The following PPP1R37 variants were observed in gnomAD, a reference collection of about 807,000 sequenced individuals.
PPP1R37 encodes the protein leucine rich repeat containing 68.
In PPP1R37, 21 loss-of-function variants were observed where a neutral mutation model predicts 61.0. The ratio of observed to expected loss-of-function variants is 0.34; its 90% CI spans 0.24 to 0.50. The LOEUF (loss-of-function observed/expected upper bound fraction) is 0.50. Among genes scored for constraint, PPP1R37 ranks in the 20% least tolerant of loss-of-function variants. The pLI is 0.98. For missense variants in PPP1R37, 910 were observed against 952.7 expected, an observed-to-expected ratio of 0.96 and a Z score of 0.59; for synonymous variants, 443 against 433.5, an observed-to-expected ratio of 1.02 and a Z score of -0.27.
At chr19:45,117,802 G>A (rs1457461064) in intron 1 of PPP1R37, among the ~76,000 whole-genome samples, 1 of 152,240 alleles carries the variant, frequency 6.6e-6, no homozygotes, top group East Asian at 1.9e-4. Flanking sequence ...CGCAGAGTTA[G>A]TCTTAGAGTA....
intron 1 of PPP1R37, among the ~76,000 whole-genome samples, chr19:45,132,139 C>T (rs1202754875): frequency 1.3e-5 from 2 of 152,174 alleles, no homozygotes; most frequent in Non-Finnish European, 2.9e-5. Context: ...CTGGTCCCTG[C>T]TTAATGGGCC....
chr19:45,118,195 C>T (rs924988977), intron 1 of PPP1R37, among the ~76,000 whole-genome samples: 10 of 152,198 alleles, frequency 6.6e-5, no homozygotes, highest in South Asian at 2.1e-4. Flanking sequence ...CCAGGCCTCC[C>T]GGCACCCAGC....
intron 1 of PPP1R37, among the ~76,000 whole-genome samples, chr19:45,097,021 C>T (rs1294953179): frequency 6.6e-6 from 1 of 151,952 alleles, no homozygotes; most frequent in Non-Finnish European, 1.5e-5. Context: ...AGGCTCCATG[C>T]TGGGGAGGAC....
At chr19:45,129,133 T>G in intron 1 of PPP1R37, 1 of 426,592 alleles carries the variant, frequency 2.3e-6, no homozygotes, top group Non-Finnish European at 4.6e-6. Context: ...ACACAATGTA[T>G]TTGATGTTTT....
intron 5 of PPP1R37, 71 bp from the exon 6 acceptor site, chr19:45,141,963 AGGTCCTGGGGCCAGGGAGTGCTGGGGC>A (rs376218677): frequency 0.13 from 173,840 of 1,312,946 alleles, 12,029 homozygotes; most frequent in Middle Eastern, 0.16. Context: ...ATGGGGGCAC[AGGTCCTGGGGCCAGGGAGTGCTGGGGC>A]GGTCCTGGGG....
rs1371515391 is a variant in PPP1R37 at position 45,145,370 on chromosome 19, G to A, written c.1314G>A (p.Glu438=). ...CGCCACAGGTGAAGAGCTTCATCGA[G>A]ACGCAGAAGGCGCTGCTGGCCGAGA... ...PKKEAVKSFI[E]TQKALLAEIQ... The change falls in exon 11 of 13, where the codon GAG becomes GAA. Residue 438 remains glutamate (E), a synonymous_variant. Coordinates refer to ENST00000221462, the MANE Select transcript of PPP1R37 (RefSeq NM_019121.2). 6.5e-7 allele frequency: 1 copy of A among 1,535,110 alleles called. No homozygotes were observed. The highest frequency in any genetic ancestry group is 8.7e-7 in the Non-Finnish European group (1 of 1,146,440).
chr19:45,145,161 C>CG lies in PPP1R37; in HGVS notation c.1198dup (p.Glu400GlyfsTer28). 6.5e-7 allele frequency: 1 copy of CG among 1,535,202 alleles called. No homozygotes were observed. Among genetic ancestry groups the CG allele is most frequent in the Non-Finnish European group, 8.7e-7 (1 of 1,146,494 alleles). ...TCCTGAGACTGGACCTTCGGGAGAACGAGATCAAGACAGGCGGGCTCATGG... is the reference window on the plus strand; with the variant it reads ...TCCTGAGACTGGACCTTCGGGAGAACGGAGATCAAGACAGGCGGGCTCATGG... On this transcript the variant is annotated frameshift_variant, in exon 10 of 13. Coordinates refer to ENST00000221462, the MANE Select transcript of PPP1R37 (RefSeq NM_019121.2). LOFTEE classifies it high-confidence loss of function.
chr19:45,108,620 G>A (rs1454340997), intron 1 of PPP1R37: 1 of 144,350 alleles, frequency 6.9e-6, no homozygotes, highest in Non-Finnish European at 1.5e-5. Flanking sequence ...CTTCGGTTTT[G>A]TTTGTTTGTT....
At chr19:45,133,928 G>A (rs758828239) in intron 1 of PPP1R37, among the ~76,000 whole-genome samples, 1 of 152,242 alleles carries the variant, frequency 6.6e-6, no homozygotes, top group Non-Finnish European at 1.5e-5. Flanking sequence ...GGAACTGGGT[G>A]TGAAATGCCT....
chr19:45,096,795 G>A (rs1031514539), intron 1 of PPP1R37, among the ~76,000 whole-genome samples: 5 of 152,270 alleles, frequency 3.3e-5, no homozygotes, highest in Middle Eastern at 3.4e-3. Flanking sequence ...CGAGGAGTCC[G>A]TGCGTCTGAG....
intron 1 of PPP1R37, among the ~76,000 whole-genome samples, chr19:45,108,253 A>C (rs1314975017): frequency 6.6e-6 from 1 of 152,106 alleles, no homozygotes; most frequent in Non-Finnish European, 1.5e-5. Flanking sequence ...TCTGTCCCTC[A>C]AGCTGGAGTG....
chr19:45,141,632 C>T (rs80231041), intron 5 of PPP1R37, among the ~76,000 whole-genome samples, 191 bp downstream of exon 5: 2,209 of 152,326 alleles, frequency 0.015, 55 homozygotes, highest in African/African-American at 0.051. Context: ...CCCCCTGGCC[C>T]CTTCTCTCCT....
At chr19:45,107,989 G>A (rs1968154518) in intron 1 of PPP1R37, among the ~76,000 whole-genome samples, 1 of 152,110 alleles carries the variant, frequency 6.6e-6, no homozygotes, top group Admixed American at 6.5e-5. Context: ...GTTCGTCCTT[G>A]TCCATAAATC....
intron 1 of PPP1R37, chr19:45,128,660 G>A: frequency 8.1e-7 from 1 of 1,234,234 alleles, no homozygotes; most frequent in African/African-American, 1.5e-5. Flanking sequence ...CTGGCTTCGT[G>A]GTGCTCAAAG....
At chr19:45,104,967 C>T (rs1156638952) in intron 1 of PPP1R37, among the ~76,000 whole-genome samples, 2 of 152,212 alleles carry the variant, frequency 1.3e-5, no homozygotes, top group Non-Finnish European at 2.9e-5. Context: ...CGTCAGGTGG[C>T]CAGCGATCTG....
intron 1 of PPP1R37, among the ~76,000 whole-genome samples, chr19:45,131,114 C>A (rs1337523753): frequency 2.0e-5 from 3 of 152,220 alleles, no homozygotes; most frequent in African/African-American, 7.2e-5. Context: ...AGACATCTCT[C>A]TGCCTGTCAC....
At chr19:45,119,185 C>T (rs10420824) in intron 1 of PPP1R37, among the ~76,000 whole-genome samples, 5,080 of 150,138 alleles carry the variant, frequency 0.034, 291 homozygotes, top group African/African-American at 0.12. Flanking sequence ...CAGAGTCTTG[C>T]TCTCTGTCAC....
At position 45,145,812 on chromosome 19, in the gene PPP1R37, T is replaced by TCCCC. The variant is rs1568452662; in HGVS notation, c.1758_1761dup (p.Thr588ProfsTer25). 1 of 1,227,586 alleles carries TCCCC rather than the reference T, an allele frequency of 8.1e-7. No homozygotes were observed. Among genetic ancestry groups the TCCCC allele is most frequent in the South Asian group, 1.5e-5 (1 of 64,836 alleles). 76.0% of individuals were successfully genotyped at this position (1,227,586 alleles called of 1,614,324 possible). ...GCCCGAGAGGGCAGAGCCCCCTGCG[T>TCCCC]CCCCCACCCCTCCCTCTCCCCCACC... is the stretch of plus-strand genomic sequence containing the variant. On this transcript the variant is annotated frameshift_variant, in exon 11 of 13. Coordinates refer to ENST00000221462, the MANE Select transcript of PPP1R37 (RefSeq NM_019121.2). LOFTEE classifies it high-confidence loss of function.
chr19:45,098,738 G>A (rs1968025049), intron 1 of PPP1R37, among the ~76,000 whole-genome samples: 1 of 152,208 alleles, frequency 6.6e-6, no homozygotes, highest in South Asian at 2.1e-4. Flanking sequence ...CTAAAAGCAG[G>A]CTGGACAGGT....
Sources: allele counts gnomAD v4.1 joint callset (sites outside exome capture counted in the v4.1 genomes callset), GRCh38; gene constraint gnomAD v4.1.1; transcripts MANE v1.5; gene names NCBI Gene and HGNC (gene_info 2026-07-23, HGNC 2026-07-21).